Variants in MAP3K14 observed in about 807,000 individuals in gnomAD.
The protein encoded by MAP3K14 is mitogen-activated protein kinase kinase kinase 14.
In MAP3K14, 16 loss-of-function variants were observed where a neutral mutation model predicts 99.2. The observed-to-expected ratio is 0.16, with a 90% CI of 0.11 to 0.24. The LOEUF is 0.24. Ranked by LOEUF, MAP3K14 falls within the 10% of genes least tolerant of loss-of-function variation. MAP3K14 has a pLI of 1.00. For synonymous variants in MAP3K14, 462 were observed against 492.4 expected (o/e 0.94, Z 0.82); for missense variants, 784 against 1,208.7 (o/e 0.65, Z 5.21).
chr17:45,282,868 G>A (rs1880177077), intron 6 of MAP3K14, among the ~76,000 whole-genome samples: 1 of 152,204 alleles, frequency 6.6e-6, no homozygotes, highest in Non-Finnish European at 1.5e-5. Flanking sequence ...ACTGCCTTGA[G>A]GGAAAGCAGG....
intron 6 of MAP3K14, among the ~76,000 whole-genome samples, chr17:45,281,486 C>T (rs1460888293): frequency 6.6e-6 from 1 of 150,962 alleles, no homozygotes; most frequent in Non-Finnish European, 1.5e-5. Context: ...GGACTACAGG[C>T]ACCCGCCACC....
intron 1 of MAP3K14, among the ~76,000 whole-genome samples, chr17:45,292,511 A>G (rs1160701115): frequency 6.6e-6 from 1 of 152,158 alleles, no homozygotes; most frequent in Middle Eastern, 3.2e-3. Context: ...CAGTGAGCTG[A>G]GATTGCACCA....
rs774498079 is a variant in MAP3K14, at chr17:45,287,002, G to A, written c.581C>T (p.Pro194Leu). ...PLGAPYVRNT[P>L]QFTKPLKEPG... ...TTCCTTCAGAGGCTTGGTGAACTGC[G>A]GGGTGTTTCTAACATATGGGGCGCC... The change falls in exon 5 of 16, where the codon CCG (proline) becomes CTG (leucine). Residue 194 changes from proline (P) to leucine (L), a missense_variant. Around this residue, in one of 5 missense-constraint regions of MAP3K14, gnomAD observed 188 missense variants for 313.0 expected, o/e 0.60. Coordinates refer to ENST00000344686, the MANE Select transcript of MAP3K14 (RefSeq NM_003954.5). 13 of 1,613,728 alleles carry A rather than the reference G, an allele frequency of 8.1e-6. 1 individual carries two copies. The highest frequency in any genetic ancestry group is 3.3e-5 in the Admixed American group (2 of 59,992).
chr17:45,298,902 C>T (rs896422017), intron 1 of MAP3K14, among the ~76,000 whole-genome samples: 1 of 152,150 alleles, frequency 6.6e-6, no homozygotes. Flanking sequence ...GAACACAGAG[C>T]GACACCTAGT....
intron 1 of MAP3K14, among the ~76,000 whole-genome samples, chr17:45,313,274 T>C (rs1283910122): frequency 3.3e-5 from 5 of 151,568 alleles, no homozygotes; most frequent in Admixed American, 6.6e-5. Flanking sequence ...ACTGCTACTA[T>C]TACTACTACT....
At chr17:45,315,633 A>G (rs903625416) in intron 1 of MAP3K14, among the ~76,000 whole-genome samples, 2 of 152,160 alleles carry the variant, frequency 1.3e-5, no homozygotes, top group African/African-American at 2.4e-5. Context: ...AGAGCATAAA[A>G]ACCACACCAA....
chr17:45,273,433 T>A (rs2044154885), intron 9 of MAP3K14, 70 bp downstream of exon 9: 1 of 1,211,976 alleles, frequency 8.3e-7, no homozygotes, highest in South Asian at 1.3e-5. Context: ...CAATTCCCAT[T>A]CTGGAAAGCA....
intron 1 of MAP3K14, among the ~76,000 whole-genome samples, chr17:45,297,055 A>G (rs1015005611): frequency 2.0e-5 from 3 of 152,284 alleles, no homozygotes; most frequent in African/African-American, 4.8e-5. Context: ...TATTATCTCC[A>G]ATTTTACAGA....
At position 45,272,949 on chromosome 17, in the gene MAP3K14, A is replaced by G. The variant is rs1199837554; in HGVS notation, c.1657+554T>C. Among the ~76,000 whole-genome samples the G allele has an allele frequency of 6.6e-6, 1 of 152,214 alleles. No individual in the cohort carries two copies. Among genetic ancestry groups the G allele is most frequent in the Non-Finnish European group, 1.5e-5 (1 of 68,038 alleles). On this transcript the variant is annotated intron_variant, in intron 9 of 15. Transcript: ENST00000344686. The surrounding 1 kb of genome is among the most constrained non-coding windows in gnomAD (Gnocchi z 4.1). ...AGTGAGACTCTGTCTCAATGAAAAC[A>G]ACAAAAAAATTTGTGATTCTCTCTC...
rs1009598516 is a variant in MAP3K14, at chr17:45,267,323, C to T, written c.2326+83G>A. 6.8e-7 allele frequency: 1 copy of T among 1,463,408 alleles called. No homozygotes were observed. Among genetic ancestry groups the T allele is most frequent in the Non-Finnish European group, 9.3e-7 (1 of 1,070,848 alleles). The allele number at this position is 1,463,408 out of a possible 1,614,324, so 90.7% of individuals were successfully genotyped here. A position where few individuals can be genotyped will look rare whatever the true frequency, so the allele number is the denominator to read the frequency against. On this transcript the variant is annotated intron_variant, in intron 12 of 15. Coordinates refer to ENST00000344686, the MANE Select transcript of MAP3K14 (RefSeq NM_003954.5). This position sits in a 1 kb window ranked among gnomAD's most constrained non-coding sequence, Gnocchi z 5.1. Reference sequence around the variant, plus strand: ...GGAAGGGGCTGGAAGAAAGCCCACACCGCAGGTAAAGAGAAACACCGGCCT... The same window carrying T: ...GGAAGGGGCTGGAAGAAAGCCCACATCGCAGGTAAAGAGAAACACCGGCCT...
At chr17:45,282,627 C>A (rs1455821438) in intron 6 of MAP3K14, among the ~76,000 whole-genome samples, 1 of 151,710 alleles carries the variant, frequency 6.6e-6, no homozygotes, top group Non-Finnish European at 1.5e-5. Flanking sequence ...CTGCATCAAA[C>A]CCTGGACCTA....
chr17:45,313,175 ATGACTC>A (rs1257932276), intron 1 of MAP3K14, among the ~76,000 whole-genome samples: 2 of 152,158 alleles, frequency 1.3e-5, no homozygotes, highest in Non-Finnish European at 2.9e-5. Flanking sequence ...TACTGAGAAA[ATGACTC>A]TGGCCTGTCA....
chr17:45,303,708 A>G (rs1378895438), intron 1 of MAP3K14, among the ~76,000 whole-genome samples: 1 of 151,874 alleles, frequency 6.6e-6, no homozygotes, highest in Non-Finnish European at 1.5e-5. Context: ...TCTAGTTCCA[A>G]TTACTATACA....
chr17:45,316,886 G>A (rs2044540259), intron 1 of MAP3K14, 74 bp downstream of exon 1: 1 of 152,040 alleles, frequency 6.6e-6, no homozygotes, highest in Non-Finnish European at 1.5e-5. Context: ...CCAGCCCGGG[G>A]CTGAGAGGCG....
intron 6 of MAP3K14, among the ~76,000 whole-genome samples, chr17:45,281,314 A>T (rs1033975209): frequency 6.0e-5 from 9 of 149,192 alleles, no homozygotes; most frequent in Admixed American, 4.7e-4. Flanking sequence ...CTAGGATTAT[A>T]GGTATAAGTG....
chr17:45,273,875 T>C, intron 8 of MAP3K14: 1 of 638,334 alleles, frequency 1.6e-6, no homozygotes, highest in Non-Finnish European at 2.8e-6. Flanking sequence ...GCCGACCCCA[T>C]ACCAGGGGTC....
chr17:45,280,333 T>C (rs2044212461), intron 6 of MAP3K14, among the ~76,000 whole-genome samples: 1 of 147,290 alleles, frequency 6.8e-6, no homozygotes, highest in East Asian at 1.9e-4. Flanking sequence ...AGACAGAGTC[T>C]TGCTCTGTCG....
intron 1 of MAP3K14, among the ~76,000 whole-genome samples, chr17:45,309,283 T>C (rs1035980506): frequency 1.3e-5 from 2 of 152,234 alleles, no homozygotes; most frequent in African/African-American, 4.8e-5. Flanking sequence ...CCCAGGCACC[T>C]GCAGAATCCG....
In MAP3K14 at chr17:45,290,726, G is replaced by A; in HGVS notation, c.20C>T (p.Ala7Val). ...TGCTGAGCCAGGGGCACCTGGGCAG[G>A]CCATTTCCATCACTGCCATCTCCCA... MAVMEMACPGAPGSAVG... is the reference protein window; with the variant it reads MAVMEMVCPGAPGSAVG... Residue 7 changes from alanine to valine, a missense_variant, in exon 2 of 16, where the codon GCC becomes GTC. By Grantham distance (64) the Ala-to-Val change is moderately conservative. Around this residue, in one of 5 missense-constraint regions of MAP3K14, gnomAD observed 188 missense variants for 313.0 expected, o/e 0.60. Coordinates refer to ENST00000344686, the MANE Select transcript of MAP3K14 (RefSeq NM_003954.5). 6.2e-6 allele frequency: 10 copies of A among 1,613,082 alleles called. No homozygotes were observed. The highest frequency in any genetic ancestry group is 8.5e-6 in the Non-Finnish European group (10 of 1,179,542).
Sources: allele counts gnomAD v4.1 joint callset (sites outside exome capture counted in the v4.1 genomes callset), GRCh38; gene constraint gnomAD v4.1.1; regional missense constraint gnomAD v4.1.1; non-coding constraint Gnocchi (gnomAD v3.1); transcripts MANE v1.5; gene names NCBI Gene and HGNC (gene_info 2026-07-23, HGNC 2026-07-21).